The following KATNBL1 variants were observed in gnomAD, a reference collection of about 807,000 sequenced individuals.
KATNBL1 encodes the protein KATNB1-like protein 1.
A neutral mutation model predicts 44.7 loss-of-function variants in KATNBL1; 28 were observed. The observed-to-expected ratio is 0.63, with a 90% confidence interval of 0.46 to 0.86. The LOEUF is 0.86. Among genes scored for constraint, KATNBL1 ranks in the 40% least tolerant of loss-of-function variants. The probability of loss-of-function intolerance (pLI) is 0.00; values close to 1 mark genes in which losing one functional copy is unlikely to be tolerated. For synonymous variants in KATNBL1, 78 were observed against 114.9 expected (o/e 0.68, Z 2.06); for missense variants, 272 against 350.7 (o/e 0.78, Z 1.79).
chr15:34,159,467 T>C (rs771838418), intron 2 of KATNBL1, among the ~76,000 whole-genome samples: 1 of 152,192 alleles, frequency 6.6e-6, no homozygotes, highest in South Asian at 2.1e-4. Flanking sequence ...ACAGGCAGTA[T>C]TGGAGTGTTA....
intron 1 of KATNBL1, among the ~76,000 whole-genome samples, chr15:34,166,985 G>C (rs1231230100): frequency 6.6e-6 from 1 of 152,140 alleles, no homozygotes; most frequent in African/African-American, 2.4e-5. Context: ...CACAAAGATG[G>C]GGAGAAACCA....
At chr15:34,183,993 AC>A (rs1165921945) in intron 1 of KATNBL1, among the ~76,000 whole-genome samples, 1 of 151,944 alleles carries the variant, frequency 6.6e-6, no homozygotes, top group Non-Finnish European at 1.5e-5. Flanking sequence ...ACATGGTGAA[AC>A]CCCATCTCTA....
chr15:34,202,840 A>G (rs1276335840), intron 1 of KATNBL1, among the ~76,000 whole-genome samples: 6 of 152,030 alleles, frequency 3.9e-5, no homozygotes, highest in Non-Finnish European at 7.4e-5. Context: ...AAAATACAAA[A>G]ATTAGCTGGG....
At chr15:34,144,207 C>T (rs1451353521) in intron 9 of KATNBL1, among the ~76,000 whole-genome samples, 1 of 151,730 alleles carries the variant, frequency 6.6e-6, no homozygotes, top group Admixed American at 6.6e-5. Flanking sequence ...TTTCTTCCCT[C>T]AGCTACATTA....
At chr15:34,191,062 A>AG (rs1555530157) in intron 1 of KATNBL1, among the ~76,000 whole-genome samples, 1 of 151,790 alleles carries the variant, frequency 6.6e-6, no homozygotes, top group Non-Finnish European at 1.5e-5. Flanking sequence ...TTTAAAAAAA[A>AG]CAAAACTTAA....
At chr15:34,154,834 C>T (rs776077487) in intron 2 of KATNBL1, 150 bp from the exon 3 acceptor site, 3 of 625,328 alleles carry the variant, frequency 4.8e-6, no homozygotes, top group Non-Finnish European at 8.6e-6. Flanking sequence ...AAGAGCATAC[C>T]GGGCATGGGA....
At chr15:34,145,015 A>G (rs781725817) in intron 9 of KATNBL1, 60 of 931,296 alleles carry the variant, frequency 6.4e-5, no homozygotes, top group Non-Finnish European at 7.5e-5. Context: ...CATTAGCAAA[A>G]GTAAAACTTA....
At chr15:34,208,058 T>G (rs1671650935) in intron 1 of KATNBL1, among the ~76,000 whole-genome samples, 1 of 152,366 alleles carries the variant, frequency 6.6e-6, no homozygotes, top group East Asian at 1.9e-4. Context: ...TTAATCTCCC[T>G]AAGGTTGGTT....
intron 5 of KATNBL1, chr15:34,148,397 G>C (rs893079878): frequency 3.3e-5 from 10 of 303,688 alleles, no homozygotes; most frequent in Non-Finnish European, 6.2e-5. Flanking sequence ...ACCAGCCCGG[G>C]AAACATAAGA....
intron 6 of KATNBL1, 44 bp downstream of exon 6, chr15:34,147,336 A>G (rs1424149984): frequency 6.3e-7 from 1 of 1,597,272 alleles, no homozygotes; most frequent in Non-Finnish European, 8.6e-7. Flanking sequence ...CCATAATTTG[A>G]CCTCCTTTAA....
At chr15:34,148,786 C>T (rs773008174) in intron 4 of KATNBL1, 36 bp from the exon 5 acceptor site, 40 of 1,168,924 alleles carry the variant, frequency 3.4e-5, no homozygotes, top group Non-Finnish European at 4.8e-5. Context: ...AAAAAGCACA[C>T]TGAAACAGGG....
chr15:34,190,220 A>G (rs1889835123), intron 1 of KATNBL1, among the ~76,000 whole-genome samples: 1 of 152,228 alleles, frequency 6.6e-6, no homozygotes, highest in Admixed American at 6.5e-5. Context: ...CTGGGATTAC[A>G]GGCGTGAGCC....
intron 4 of KATNBL1, among the ~76,000 whole-genome samples, chr15:34,152,402 C>G (rs2140909555): frequency 6.6e-6 from 1 of 152,316 alleles, no homozygotes; most frequent in South Asian, 2.1e-4. Flanking sequence ...CAGGGTTTCA[C>G]CATGTTGGCC....
chr15:34,208,284 G>A (rs1890345932), intron 1 of KATNBL1, among the ~76,000 whole-genome samples: 1 of 152,150 alleles, frequency 6.6e-6, no homozygotes, highest in South Asian at 2.1e-4. Flanking sequence ...AAAGTCCATA[G>A]TGTCATTCTT....
intron 2 of KATNBL1, among the ~76,000 whole-genome samples, chr15:34,155,278 A>G (rs1019521976): frequency 2.6e-5 from 4 of 152,126 alleles, no homozygotes; most frequent in African/African-American, 9.7e-5. Context: ...TTTCTTTAAC[A>G]TGTCTTGGCA....
At chr15:34,144,787 G>A (rs1427554886) in intron 9 of KATNBL1, among the ~76,000 whole-genome samples, 6 of 152,046 alleles carry the variant, frequency 3.9e-5, no homozygotes, top group South Asian at 2.1e-4. Context: ...GGCTGGTCTC[G>A]AACTCCTGAC....
At chr15:34,143,981 A>AAAAAAAAAG (rs1888234326) in intron 9 of KATNBL1, among the ~76,000 whole-genome samples, 1 of 150,506 alleles carries the variant, frequency 6.6e-6, no homozygotes, top group Non-Finnish European at 1.5e-5. Flanking sequence ...AAAAAAAAAA[A>AAAAAAAAAG]AAAAAAAGAA....
intron 1 of KATNBL1, among the ~76,000 whole-genome samples, chr15:34,195,531 G>A (rs1890005654): frequency 1.3e-5 from 2 of 151,952 alleles, no homozygotes; most frequent in African/African-American, 4.8e-5. Context: ...TTCACCACAT[G>A]CAATATATCA....
chr15:34,161,334 T>G (rs1888798842), intron 2 of KATNBL1, among the ~76,000 whole-genome samples: 1 of 152,168 alleles, frequency 6.6e-6, no homozygotes. Flanking sequence ...TGGGCCTCGA[T>G]TCCTTACACA....
Sources: allele counts gnomAD v4.1 joint callset (sites outside exome capture counted in the v4.1 genomes callset), GRCh38; gene constraint gnomAD v4.1.1; transcripts MANE v1.5; gene names NCBI Gene and HGNC (gene_info 2026-07-23, HGNC 2026-07-21).